AHI1: variants seen among roughly 807,000 people sequenced by gnomAD.
AHI1 encodes the protein Abelson helper integration site 1.
Under a neutral mutation model 149.3 loss-of-function variants are expected in AHI1, and 123 were observed. That is an observed-to-expected ratio of 0.82 (90% confidence interval 0.71 to 0.96). The LOEUF (loss-of-function observed/expected upper bound fraction) is 0.96. Among genes scored for constraint, AHI1 ranks in the 40% least tolerant of loss-of-function variants. The pLI is 0.00. For synonymous variants in AHI1, 475 were observed against 459.8 expected, an observed-to-expected ratio of 1.03 and a Z score of -0.42; for missense variants, 1,439 against 1,422.7, an observed-to-expected ratio of 1.01 and a Z score of -0.18.
chr6:135,473,122 T>C (rs1214772140), intron 5 of AHI1, among the ~76,000 whole-genome samples: 1 of 152,166 alleles, frequency 6.6e-6, no homozygotes, highest in Non-Finnish European at 1.5e-5. Context: ...GATCCACTTC[T>C]AGTTAATTTT....
intron 23 of AHI1, among the ~76,000 whole-genome samples, chr6:135,371,182 C>A (rs905216494): frequency 6.6e-5 from 10 of 152,138 alleles, no homozygotes; most frequent in African/African-American, 2.2e-4. Context: ...TTCCTCTATG[C>A]CTAACAGAAA....
chr6:135,418,794 T>C (rs1782735194), intron 20 of AHI1, among the ~76,000 whole-genome samples: 1 of 152,092 alleles, frequency 6.6e-6, no homozygotes, highest in African/African-American at 2.4e-5. Flanking sequence ...GTCATCTTAC[T>C]GGATACCTAA....
chr6:135,465,829 G>C lies in AHI1; in HGVS notation c.734C>G (p.Ser245Cys), dbSNP rs1790652333. The C allele has an allele frequency of 1.4e-6, 2 of 1,471,380 alleles. No homozygotes were observed. Among genetic ancestry groups the C allele is most frequent in the South Asian group, 3.2e-5 (2 of 61,630 alleles). The allele number at this position is 1,471,380 out of a possible 1,614,324, so 91.1% of individuals were successfully genotyped here. A position where few individuals can be genotyped will look rare whatever the true frequency, so the allele number is the denominator to read the frequency against. ...RKKKKEVPVF[S>C]KAETSTLTIS... ...GCAAAAATACCTTGTTTCAGCTTTA[G>C]AGAAGACTGGAACTTCCTTTTTCTT... Residue 245 changes from serine (S) to cysteine (C), a missense_variant, in exon 7 of 29, where the codon TCT (serine) becomes TGT (cysteine). Transcript: ENST00000265602.
chr6:135,484,955 T>A (rs1794255991), intron 5 of AHI1, among the ~76,000 whole-genome samples: 2 of 152,184 alleles, frequency 1.3e-5, no homozygotes, highest in African/African-American at 4.8e-5. Flanking sequence ...CCTATTAGAT[T>A]TTTACATTTA....
chr6:135,336,190 C>T lies in AHI1; in HGVS notation c.3166-12866G>A, dbSNP rs545192744. ...TACATAATAACATTTCAGTCAATGA[C>T]GTACTGCATATATGACAGTGGTCCC... On this transcript the variant is annotated intron_variant, in intron 24 of 28. Coordinates refer to ENST00000265602, the MANE Select transcript of AHI1 (RefSeq NM_001134831.2). 2.8e-4 allele frequency among the ~76,000 whole-genome samples: 42 copies of T among 151,256 alleles called. 1 individual carries two copies. The East Asian group carries it at 3.1e-3, about 11-fold the overall frequency.
intron 10 of AHI1, among the ~76,000 whole-genome samples, chr6:135,454,950 T>C (rs1387910752): frequency 6.6e-6 from 1 of 152,152 alleles, no homozygotes; most frequent in Non-Finnish European, 1.5e-5. Flanking sequence ...ACAAAATGAA[T>C]CTTCGGCACT....
At chr6:135,400,889 C>T (rs1312554043) in intron 22 of AHI1, among the ~76,000 whole-genome samples, 4 of 151,914 alleles carry the variant, frequency 2.6e-5, no homozygotes, top group African/African-American at 9.7e-5. Flanking sequence ...TGTTTTTTTC[C>T]CTTTAAATAT....
At chr6:135,423,767 T>G (rs926980042) in intron 20 of AHI1, among the ~76,000 whole-genome samples, 4 of 152,028 alleles carry the variant, frequency 2.6e-5, no homozygotes, top group Admixed American at 6.6e-5. Context: ...TGAACCAGAG[T>G]TGATACTCTG....
intron 5 of AHI1, among the ~76,000 whole-genome samples, chr6:135,470,108 A>G (rs1791447936): frequency 1.3e-5 from 2 of 152,180 alleles, no homozygotes; most frequent in Non-Finnish European, 2.9e-5. Flanking sequence ...AGGAACTTAA[A>G]CAAATTTGTG....
chr6:135,491,743 C>T (rs895544855), intron 4 of AHI1, among the ~76,000 whole-genome samples: 1 of 152,116 alleles, frequency 6.6e-6, no homozygotes, highest in African/African-American at 2.4e-5. Context: ...CAAACTATGG[C>T]CTGCAGGCTA....
At chr6:135,427,667 A>G (rs1784096039) in intron 19 of AHI1, among the ~76,000 whole-genome samples, 1 of 151,574 alleles carries the variant, frequency 6.6e-6, no homozygotes, top group Non-Finnish European at 1.5e-5. Context: ...TACAGGAGAA[A>G]TTACAGGACT....
At chr6:135,469,990 T>A (rs939119167) in intron 5 of AHI1, among the ~76,000 whole-genome samples, 9 of 152,124 alleles carry the variant, frequency 5.9e-5, no homozygotes, top group African/African-American at 2.2e-4. Context: ...CTACAGAGCT[T>A]CTGCACAGCA....
intron 3 of AHI1, chr6:135,492,574 T>C (rs1425939851): frequency 1.1e-5 from 11 of 984,124 alleles, no homozygotes; most frequent in Non-Finnish European, 1.2e-5. Context: ...TAATGTGGTA[T>C]GTTAATAAAC....
intron 25 of AHI1, among the ~76,000 whole-genome samples, chr6:135,322,791 T>TG (rs1298353010): frequency 2.0e-5 from 3 of 152,204 alleles, no homozygotes; most frequent in Non-Finnish European, 4.4e-5. Flanking sequence ...AGAATGCAGT[T>TG]GGGGAACTAG....
At chr6:135,387,761 A>AC in intron 23 of AHI1, 1 of 1,218,266 alleles carries the variant, frequency 8.2e-7, no homozygotes, top group Non-Finnish European at 1.0e-6. Context: ...CAAACTAAAA[A>AC]AAAAAATCAA....
At chr6:135,480,608 G>C (rs1793463671) in intron 5 of AHI1, among the ~76,000 whole-genome samples, 1 of 152,220 alleles carries the variant, frequency 6.6e-6, no homozygotes, top group Non-Finnish European at 1.5e-5. Context: ...ATTGAAAGTT[G>C]GGGCCTTTTA....
At chr6:135,357,806 T>C (rs946006221) in intron 24 of AHI1, among the ~76,000 whole-genome samples, 1 of 152,210 alleles carries the variant, frequency 6.6e-6, no homozygotes, top group East Asian at 1.9e-4. Flanking sequence ...AGTTCTATAA[T>C]AATAAAGCAA....
chr6:135,429,877 C>T lies in AHI1; in HGVS notation c.2492+5G>A, dbSNP rs2128012406. 1 of 1,485,692 alleles carries T rather than the reference C, an allele frequency of 6.7e-7. No homozygotes were observed. Among genetic ancestry groups the T allele is most frequent in the South Asian group, 1.2e-5 (1 of 81,838 alleles). 92.0% of individuals were successfully genotyped at this position (1,485,692 alleles called of 1,614,324 possible). ...CTTATCCTGTCAACACTGAAATATA[C>T]TTACATCCGGAGATCCATAATTCTC... On this transcript the variant is annotated splice_donor_5th_base_variant and intron_variant, in intron 18 of 28. Coordinates refer to ENST00000265602, the MANE Select transcript of AHI1 (RefSeq NM_001134831.2).
At chr6:135,419,607 A>G (rs1344074826) in intron 20 of AHI1, among the ~76,000 whole-genome samples, 1 of 152,150 alleles carries the variant, frequency 6.6e-6, no homozygotes, top group Non-Finnish European at 1.5e-5. Context: ...ATTTACCTTA[A>G]AAACTATTTT....
Sources: gnomAD v4.1 joint callset for allele counts (sites outside exome capture counted in the v4.1 genomes callset) on GRCh38, gnomAD v4.1.1 for gene constraint, MANE v1.5 for transcripts, NCBI Gene and HGNC (gene_info 2026-07-23, HGNC 2026-07-21) for gene names.